The following PLCH1 variants were observed in gnomAD, a reference collection of about 807,000 sequenced individuals.
PLCH1 encodes the protein phospholipase C eta 1.
In PLCH1, 60 loss-of-function variants were observed where a neutral mutation model predicts 126.7. The observed-to-expected ratio is 0.47, with a 90% CI of 0.38 to 0.59. The LOEUF is 0.59. PLCH1 is among the 20% of genes least tolerant of loss of function. The pLI is 0.00. For missense variants in PLCH1, 1,723 were observed against 2,040.0 expected (o/e 0.84, Z 2.99); for synonymous variants, 719 against 734.9 (o/e 0.98, Z 0.35).
At chr3:155,559,269 C>T (rs1183972227) in intron 8 of PLCH1, among the ~76,000 whole-genome samples, 1 of 151,832 alleles carries the variant, frequency 6.6e-6, no homozygotes, top group African/African-American at 2.4e-5. Context: ...GAGATTATTC[C>T]CTCTTTCTTG....
At chr3:155,466,641 TAAATAAGCCACC>T (rs1712941236) in intron 21 of PLCH1, among the ~76,000 whole-genome samples, 1 of 152,134 alleles carries the variant, frequency 6.6e-6, no homozygotes. Flanking sequence ...CCAGAGGAAT[TAAATAAGCCACC>T]AGGGACCAAT....
intron 2 of PLCH1, among the ~76,000 whole-genome samples, chr3:155,601,399 ATGT>A (rs1384099834): frequency 6.6e-6 from 1 of 152,138 alleles, no homozygotes; most frequent in African/African-American, 2.4e-5. Context: ...CAAGCAGAAA[ATGT>A]TGTAAAAAAT....
intron 12 of PLCH1, among the ~76,000 whole-genome samples, chr3:155,514,191 A>G (rs1440916777): frequency 6.6e-6 from 1 of 152,238 alleles, no homozygotes; most frequent in East Asian, 1.9e-4. Flanking sequence ...ATTTTGTATT[A>G]GGATTTCTAA....
At position 155,481,529 on chromosome 3, in the gene PLCH1, A is replaced by C. The variant is rs1560041802; in HGVS notation, c.4497T>G (p.Phe1499Leu). Reference protein sequence around the residue: ...DLTSEDIACNFESKYQCISKS... With the variant: ...DLTSEDIACNLESKYQCISKS... ...TACTAATACACTGGTACTTGCTCTC[A>C]AAATTGCAGGCAATGTCCTCTGATG... Residue 1499 changes from phenylalanine to leucine, a missense_variant, in exon 23 of 23, where the codon TTT (phenylalanine) becomes TTG (leucine). Around this residue, in one of 2 missense-constraint regions of PLCH1, gnomAD observed 947 missense variants for 977.1 expected, o/e 0.97. Transcript: ENST00000460012. The surrounding 1 kb of genome is among the most constrained non-coding windows in gnomAD (Gnocchi z 4.2). The C allele has an allele frequency of 6.2e-7, 1 of 1,614,060 alleles. No individual in the cohort carries two copies. Among genetic ancestry groups the C allele is most frequent in the Non-Finnish European group, 8.5e-7 (1 of 1,180,036 alleles).
At chr3:155,528,530 C>G (rs1044343076) in intron 10 of PLCH1, among the ~76,000 whole-genome samples, 4 of 152,172 alleles carry the variant, frequency 2.6e-5, no homozygotes, top group African/African-American at 9.7e-5. Flanking sequence ...CCATGGCAGA[C>G]AGCAAGATGA....
At chr3:155,559,671 T>C (rs1421115233) in intron 8 of PLCH1, among the ~76,000 whole-genome samples, 1 of 152,186 alleles carries the variant, frequency 6.6e-6, no homozygotes, top group Non-Finnish European at 1.5e-5. Context: ...TATAAAAAAT[T>C]ACATATCCTT....
At chr3:155,490,288 G>T (rs1049683510) in intron 19 of PLCH1, among the ~76,000 whole-genome samples, 2 of 152,030 alleles carry the variant, frequency 1.3e-5, no homozygotes, top group African/African-American at 4.8e-5. Flanking sequence ...ATATTATGGC[G>T]AAAATATAAG....
intron 11 of PLCH1, among the ~76,000 whole-genome samples, chr3:155,521,052 C>T (rs778017226): frequency 3.9e-5 from 6 of 152,176 alleles, no homozygotes; most frequent in Admixed American, 1.3e-4. Flanking sequence ...CCTCAGGTAT[C>T]AGCATGGCTA....
At chr3:155,618,964 C>T (rs1257600527) in intron 2 of PLCH1, among the ~76,000 whole-genome samples, 1 of 152,170 alleles carries the variant, frequency 6.6e-6, no homozygotes, top group Non-Finnish European at 1.5e-5. Flanking sequence ...CCATACTTTG[C>T]CCAAGAAAAA....
intron 2 of PLCH1, among the ~76,000 whole-genome samples, chr3:155,605,603 G>A (rs956283134): frequency 1.3e-5 from 2 of 152,182 alleles, no homozygotes; most frequent in African/African-American, 4.8e-5. Flanking sequence ...TCCTTTTCAA[G>A]CCCGAAAATG....
intron 1 of PLCH1, among the ~76,000 whole-genome samples, chr3:155,712,708 C>T (rs74968635): frequency 0.025 from 3,778 of 151,928 alleles, 151 homozygotes; most frequent in African/African-American, 0.087. Flanking sequence ...CTATTGCACT[C>T]CAGCCTGGGT....
chr3:155,514,773 G>A lies in PLCH1; in HGVS notation c.1582C>T (p.Arg528Trp), dbSNP rs143565615. The A allele has an allele frequency of 6.4e-5, 104 of 1,612,436 alleles. No homozygotes were observed. In the Middle Eastern group the frequency reaches 1.2e-3, roughly 18 times the overall value. Residue 528 changes from arginine to tryptophan, a missense_variant, in exon 12 of 23, where the codon CGG becomes TGG. By Grantham distance (101) the Arg-to-Trp change is moderately radical (BLOSUM62 -3). Coordinates refer to ENST00000460012, the MANE Select transcript of PLCH1 (RefSeq NM_014996.4). The part of the protein sequence containing the change: ...DKEDPDSFTV[R>W]ALLKATHEGL... ...TCATGCGTGGCCTTCAGTAGTGCCC[G>A]CACTGTGAAACTATCAGGATCTTCT... is the stretch of plus-strand genomic sequence containing the variant.
At chr3:155,567,733 TA>T (rs1330731413) in intron 7 of PLCH1, among the ~76,000 whole-genome samples, 1 of 152,204 alleles carries the variant, frequency 6.6e-6, no homozygotes, top group Non-Finnish European at 1.5e-5. Context: ...TTATTTAACT[TA>T]TTTGAGCCTC....
chr3:155,730,385 G>T (rs573334041), intron 1 of PLCH1, among the ~76,000 whole-genome samples: 2 of 152,066 alleles, frequency 1.3e-5, no homozygotes, highest in East Asian at 3.9e-4. Flanking sequence ...GGGTTTAAGT[G>T]ATTCTCATGT....
chr3:155,593,956 T>C lies in PLCH1; in HGVS notation c.455A>G (p.Gln152Arg). The C allele has an allele frequency of 6.2e-7, 1 of 1,614,162 alleles. No homozygotes were observed. Among genetic ancestry groups the C allele is most frequent in the South Asian group, 1.1e-5 (1 of 91,078 alleles). The change falls in exon 4 of 23, where the codon CAG (glutamine) becomes CGG (arginine). Residue 152 changes from glutamine to arginine, a missense_variant. Gln to Arg is a conservative substitution (Grantham distance 43). Coordinates refer to ENST00000460012, the MANE Select transcript of PLCH1 (RefSeq NM_014996.4). ...GAAAGGATATTGGTCATGGGTCCTC[T>C]GCCTTTTGGCAAGGGAGTCTTCATC... ...ISDEDSLAKR[Q>R]RTHDQWVKQT...
At chr3:155,698,434 T>A (rs1336029559) in intron 2 of PLCH1, among the ~76,000 whole-genome samples, 1 of 152,304 alleles carries the variant, frequency 6.6e-6, no homozygotes, top group East Asian at 1.9e-4. Flanking sequence ...AAACTAGACA[T>A]AAATATCCTC....
intron 2 of PLCH1, among the ~76,000 whole-genome samples, chr3:155,627,072 C>T (rs1243644237): frequency 6.6e-6 from 1 of 152,090 alleles, no homozygotes; most frequent in African/African-American, 2.4e-5. Context: ...TAAATAATGT[C>T]ACATGATATG....
intron 10 of PLCH1, among the ~76,000 whole-genome samples, chr3:155,530,046 C>T (rs1221972970): frequency 2.0e-5 from 3 of 152,144 alleles, no homozygotes; most frequent in Non-Finnish European, 4.4e-5. Flanking sequence ...GCCACCACAC[C>T]TGGCCAGCAA....
At chr3:155,530,700 A>G (rs1560118801) in intron 10 of PLCH1, among the ~76,000 whole-genome samples, 1 of 152,172 alleles carries the variant, frequency 6.6e-6, no homozygotes, top group Non-Finnish European at 1.5e-5. Context: ...AACTCCTGCT[A>G]ATAATCTGTT....
Sources: gnomAD v4.1 joint callset for allele counts (sites outside exome capture counted in the v4.1 genomes callset) on GRCh38, gnomAD v4.1.1 for gene constraint, gnomAD v4.1.1 regional missense constraint, Gnocchi (gnomAD v3.1) non-coding constraint, MANE v1.5 for transcripts, NCBI Gene and HGNC (gene_info 2026-07-23, HGNC 2026-07-21) for gene names.